RAD51B: variants seen among roughly 807,000 people sequenced by gnomAD.
RAD51B encodes DNA repair protein RAD51 homolog 2.
Under a neutral mutation model 42.2 loss-of-function variants are expected in RAD51B, and 38 were observed. The ratio of observed to expected loss-of-function variants is 0.90; its 90% CI spans 0.70 to 1.18. RAD51B has a LOEUF of 1.18. Among genes scored for constraint, RAD51B ranks in the 50% most tolerant of loss-of-function variants. The pLI is 0.00. For synonymous variants in RAD51B, 154 were observed against 145.2 expected, an observed-to-expected ratio of 1.06 and a Z score of -0.43; for missense variants, 373 against 400.7, an observed-to-expected ratio of 0.93 and a Z score of 0.59.
chr14:68,234,666 A>G (rs1338190798), intron 7 of RAD51B, among the ~76,000 whole-genome samples: 4 of 152,220 alleles, frequency 2.6e-5, no homozygotes, highest in Non-Finnish European at 1.5e-5. Context: ...GAGATCAAAA[A>G]TGGTATATCT....
chr14:67,844,802 A>G (rs1452439217), intron 4 of RAD51B, among the ~76,000 whole-genome samples: 1 of 151,692 alleles, frequency 6.6e-6, no homozygotes, highest in Non-Finnish European at 1.5e-5. Context: ...CCAGTGTGTG[A>G]TGTTCCCCTT....
intron 7 of RAD51B, among the ~76,000 whole-genome samples, chr14:68,284,379 C>T (rs2081376698): frequency 6.6e-6 from 1 of 152,226 alleles, no homozygotes; most frequent in South Asian, 2.1e-4. Flanking sequence ...AACATTTATT[C>T]TAAGCAGACT....
Position 68,394,940 on chromosome 14 carries a change from G to A in RAD51B, c.854-16484G>A, listed in dbSNP as rs142794052. Among the ~76,000 whole-genome samples, 172 of 152,040 alleles carry A rather than the reference G, an allele frequency of 1.1e-3. 1 individual carries two copies. The highest frequency in any genetic ancestry group is 7.0e-3 in the Admixed American group (107 of 15,286). ...GCTCTTTTTCTCAGTGAGCCTCAGC[G>A]CCAGTGCCCCAGTGAGCTGCTGGGA... On this transcript the variant is annotated intron_variant, in intron 8 of 10. Coordinates refer to ENST00000471583, the MANE Select transcript of RAD51B (RefSeq NM_133510.4).
At chr14:68,253,627 T>A (rs2080689181) in intron 7 of RAD51B, among the ~76,000 whole-genome samples, 1 of 152,260 alleles carries the variant, frequency 6.6e-6, no homozygotes, top group Admixed American at 6.5e-5. Context: ...CACATTTCTT[T>A]AAAACACATA....
intron 7 of RAD51B, among the ~76,000 whole-genome samples, chr14:68,086,367 C>T (rs77876640): frequency 0.06 from 9,196 of 152,180 alleles, 652 homozygotes; most frequent in African/African-American, 0.17. Context: ...ATGTGTCCGC[C>T]TGCTAGGGTC....
intron 7 of RAD51B, among the ~76,000 whole-genome samples, chr14:68,227,837 G>T (rs1014391183): frequency 1.3e-5 from 2 of 152,106 alleles, no homozygotes; most frequent in African/African-American, 4.8e-5. Context: ...CTACATAACG[G>T]CTTTGAAATA....
intron 7 of RAD51B, among the ~76,000 whole-genome samples, chr14:68,165,120 A>C (rs1344754045): frequency 6.6e-6 from 1 of 152,234 alleles, no homozygotes; most frequent in Non-Finnish European, 1.5e-5. Flanking sequence ...CATTAATCGC[A>C]TGGTATTTTC....
chr14:68,625,499 G>A (rs1487346934), intron 10 of RAD51B, among the ~76,000 whole-genome samples: 1 of 152,102 alleles, frequency 6.6e-6, no homozygotes, highest in Admixed American at 6.5e-5. Context: ...ATGAAACAGG[G>A]TCTCACTCTG....
chr14:68,666,988 T>C (rs771856620), intron 11 of RAD51B, among the ~76,000 whole-genome samples: 23 of 152,238 alleles, frequency 1.5e-4, no homozygotes, highest in Non-Finnish European at 3.1e-4. Flanking sequence ...TCTTCCCTGA[T>C]GACAGCAATC....
At chr14:68,160,316 A>G (rs2078611627) in intron 7 of RAD51B, among the ~76,000 whole-genome samples, 1 of 152,182 alleles carries the variant, frequency 6.6e-6, no homozygotes, top group African/African-American at 2.4e-5. Flanking sequence ...TAATTTGCTC[A>G]GTGTTACATA....
chr14:67,831,488 G>A (rs2041044112), intron 3 of RAD51B, among the ~76,000 whole-genome samples: 1 of 152,074 alleles, frequency 6.6e-6, no homozygotes, highest in Non-Finnish European at 1.5e-5. Context: ...ACTCTTCTTT[G>A]TCTCATTTAT....
intron 9 of RAD51B, among the ~76,000 whole-genome samples, chr14:68,433,764 G>A (rs574148200): frequency 1.1e-4 from 17 of 152,308 alleles, no homozygotes; most frequent in Admixed American, 2.0e-4. Context: ...GTCATTCTCC[G>A]TCCAGCTTTG....
At chr14:67,851,556 A>G (rs2041808127) in intron 4 of RAD51B, among the ~76,000 whole-genome samples, 1 of 152,072 alleles carries the variant, frequency 6.6e-6, no homozygotes, top group South Asian at 2.1e-4. Context: ...TCTGAAGGGT[A>G]GCTGCTGGCA....
chr14:68,678,211 C>G (rs775665485), intron 11 of RAD51B, among the ~76,000 whole-genome samples: 1 of 152,194 alleles, frequency 6.6e-6, no homozygotes, highest in Non-Finnish European at 1.5e-5. Context: ...CAGTCCATGT[C>G]GGCTGGTCCA....
At chr14:68,205,159 T>G (rs1384404985) in intron 7 of RAD51B, among the ~76,000 whole-genome samples, 6 of 152,186 alleles carry the variant, frequency 3.9e-5, no homozygotes, top group African/African-American at 1.4e-4. Flanking sequence ...ACTATTCAAT[T>G]TTTTTAAGTT....
intron 7 of RAD51B, among the ~76,000 whole-genome samples, chr14:67,958,031 TC>T (rs1490050789): frequency 1.3e-5 from 2 of 152,160 alleles, no homozygotes; most frequent in Admixed American, 6.5e-5. Flanking sequence ...ATAATAAATC[TC>T]TCACATTTTG....
At chr14:68,220,109 A>G (rs887845636) in intron 7 of RAD51B, among the ~76,000 whole-genome samples, 9 of 152,210 alleles carry the variant, frequency 5.9e-5, no homozygotes, top group African/African-American at 1.9e-4. Flanking sequence ...AAGGTTTTCA[A>G]ATTAACCCAA....
chr14:68,090,258 A>G (rs2077068297), intron 7 of RAD51B, among the ~76,000 whole-genome samples: 1 of 152,298 alleles, frequency 6.6e-6, no homozygotes, highest in Admixed American at 6.5e-5. Context: ...AGATTACTAT[A>G]CTTATTTTAA....
chr14:67,910,589 T>C (rs1470216695), intron 7 of RAD51B, among the ~76,000 whole-genome samples: 1 of 152,018 alleles, frequency 6.6e-6, no homozygotes, highest in East Asian at 1.9e-4. Flanking sequence ...TCGATGCCTT[T>C]TAACTTTTTT....
Sources: gnomAD v4.1 joint callset for allele counts (sites outside exome capture counted in the v4.1 genomes callset) on GRCh38, gnomAD v4.1.1 for gene constraint, MANE v1.5 for transcripts, NCBI Gene and HGNC (gene_info 2026-07-23, HGNC 2026-07-21) for gene names.